ATP8B2: variants seen among roughly 807,000 people sequenced by gnomAD.
The protein encoded by ATP8B2 is phospholipid-transporting ATPase ID.
In ATP8B2, 70 loss-of-function variants were observed where a neutral mutation model predicts 133.4. The observed-to-expected ratio is 0.52, with a 90% CI of 0.43 to 0.64. The LOEUF (loss-of-function observed/expected upper bound fraction) is 0.64. Among genes scored for constraint, ATP8B2 ranks in the 30% least tolerant of loss-of-function variants. ATP8B2 has a pLI of 0.00. For missense variants in ATP8B2, 1,101 were observed against 1,535.7 expected (o/e 0.72, Z 4.73); for synonymous variants, 517 against 589.5 (o/e 0.88, Z 1.78).
At chr1:154,327,147 G>T (rs184208941) in intron 1 of ATP8B2, among the ~76,000 whole-genome samples, 1 of 152,338 alleles carries the variant, frequency 6.6e-6, no homozygotes, top group East Asian at 1.9e-4. Context: ...ATCTCTTGGG[G>T]CTGACAGGTT....
chr1:154,327,587 T>C (rs1218540002), intron 1 of ATP8B2, among the ~76,000 whole-genome samples: 1 of 152,090 alleles, frequency 6.6e-6, no homozygotes, highest in Non-Finnish European at 1.5e-5. Context: ...GAGGAGGTGA[T>C]AATGGAAGCC....
At position 154,330,768 on chromosome 1, in the gene ATP8B2, G is replaced by C. The variant is rs74976887; in HGVS notation, c.91-47G>C. ...GGGGAGGCAGCCTCAGTCTGGTTCT[G>C]GGTTGGGACTGGAGACTGCTCATTA... On this transcript the variant is annotated intron_variant, in intron 3 of 27. Transcript: ENST00000368489. 2,050 of 1,509,708 alleles carry C rather than the reference G, an allele frequency of 1.4e-3. 23 individuals are homozygous for C. The African/African-American group carries it at 0.026, about 19-fold the overall frequency. The allele number at this position is 1,509,708 out of a possible 1,614,324, so 93.5% of individuals were successfully genotyped here.
intron 11 of ATP8B2, among the ~76,000 whole-genome samples, chr1:154,336,998 G>A (rs2481064): frequency 0.71 from 107,486 of 151,452 alleles, 38,828 homozygotes; most frequent in East Asian, 0.86. Flanking sequence ...GGGTTTCACC[G>A]TGTTGGCCAG....
rs756888361 is a variant in ATP8B2 at position 154,345,492 on chromosome 1, G to A, written c.2641G>A (p.Ala881Thr). Residue 881 changes from alanine (A) to threonine (T), a missense_variant, in exon 23 of 28, where the codon GCT becomes ACT. Coordinates refer to ENST00000368489, the MANE Select transcript of ATP8B2 (RefSeq NM_001370597.1). The surrounding 1 kb of genome is among the most constrained non-coding windows in gnomAD (Gnocchi z 5.6). The part of the protein sequence containing the change: ...FLCYFFYKNF[A>T]FTMVHFWFGF... ...TTGCTATTTCTTCTACAAAAACTTT[G>A]CTTTCACCATGGTCCACTTCTGGTT... The A allele has an allele frequency of 6.2e-7, 1 of 1,614,182 alleles. No individual in the cohort carries two copies. The highest frequency in any genetic ancestry group is 1.7e-5 in the Admixed American group (1 of 60,032).
Position 154,328,214 on chromosome 1 carries a change from G to T in ATP8B2, c.31+42G>T, listed in dbSNP as rs780163701. ...GGGGAGATCCCGGGAACCATCAAGA[G>T]TGGGTGTTGTTATGGCTCAGGGAGC... On this transcript the variant is annotated intron_variant, in intron 2 of 27. Transcript: ENST00000368489. The surrounding 1 kb of genome is among the most constrained non-coding windows in gnomAD (Gnocchi z 4.6). 3.2e-6 allele frequency: 5 copies of T among 1,580,490 alleles called. No individual in the cohort carries two copies. Among genetic ancestry groups the T allele is most frequent in the Non-Finnish European group, 4.3e-6 (5 of 1,150,206 alleles).
At chr1:154,333,307 G>T (rs1686065228) in intron 9 of ATP8B2, among the ~76,000 whole-genome samples, 1 of 151,776 alleles carries the variant, frequency 6.6e-6, no homozygotes, top group Admixed American at 6.6e-5. Flanking sequence ...TCCAGCCTGG[G>T]TGACAAGAGC....
intron 1 of ATP8B2, among the ~76,000 whole-genome samples, chr1:154,327,565 T>G (rs1685829291): frequency 6.6e-6 from 1 of 151,998 alleles, no homozygotes; most frequent in African/African-American, 2.4e-5. Context: ...GCCTCTAATG[T>G]GAGCTCCCCT....
At position 154,346,532 on chromosome 1, in the gene ATP8B2, C is replaced by A; in HGVS notation, c.3024+56C>A. ...TCTGGAAGGAGTGAGCCTTCTGTCC[C>A]TGGGGCTGCCCTGGGCACCACAGTT... On this transcript the variant is annotated intron_variant, in intron 25 of 27. Transcript: ENST00000368489. This position sits in a 1 kb window ranked among gnomAD's most constrained non-coding sequence, Gnocchi z 4.5. 1 of 1,606,232 alleles carries A rather than the reference C, an allele frequency of 6.2e-7. No individual in the cohort carries two copies.
At chr1:154,329,033 G>A (rs1289393020) in intron 2 of ATP8B2, 1 of 1,303,662 alleles carries the variant, frequency 7.7e-7, no homozygotes, top group African/African-American at 1.5e-5. Flanking sequence ...CCGGGCCCAG[G>A]CGCCTCCCTC....
Position 154,348,310 on chromosome 1 carries a change from C to T in ATP8B2, c.3164-98C>T, listed in dbSNP as rs1686661074. 3.7e-6 allele frequency: 5 copies of T among 1,360,664 alleles called. No individual in the cohort carries two copies. The East Asian group carries it at 7.5e-5, about 20-fold the overall frequency. The allele number at this position is 1,360,664 out of a possible 1,614,324, so 84.3% of individuals were successfully genotyped here. ...TGGAGAAGCGGGAAGCCAGAGGTGA[C>T]TTAGGCTTTGAGAGTAGGGAAGTGG... On this transcript the variant is annotated intron_variant, in intron 26 of 27. Transcript: ENST00000368489.
intron 26 of ATP8B2, among the ~76,000 whole-genome samples, chr1:154,347,796 C>T (rs930297278): frequency 2.0e-5 from 3 of 151,954 alleles, no homozygotes; most frequent in Admixed American, 6.6e-5. Flanking sequence ...CAAAATTAGC[C>T]GGACTTGGTG....
rs554128093 is a variant in ATP8B2 at position 154,328,543 on chromosome 1, G to GGTGT, written c.31+381_31+384dup. On this transcript the variant is annotated intron_variant, in intron 2 of 27. Transcript: ENST00000368489. This position sits in a 1 kb window ranked among gnomAD's most constrained non-coding sequence, Gnocchi z 4.6. ...TTCTCCTGGTTTTTCCGCGGGCGGG[G>GGTGT]GTGTGTGTGTGTGAAAGCGGTTGCC... Among the ~76,000 whole-genome samples, 3 of 151,954 alleles carry GGTGT rather than the reference G, an allele frequency of 2.0e-5. No homozygotes were observed. Among genetic ancestry groups the GGTGT allele is most frequent in the African/African-American group, 7.2e-5 (3 of 41,394 alleles).
Position 154,340,626 on chromosome 1 carries a change from C to G in ATP8B2, c.1035-228C>G. The G allele has an allele frequency of 1.7e-6, 1 of 577,308 alleles. No homozygotes were observed. The highest frequency in any genetic ancestry group is 3.2e-6 in the Non-Finnish European group (1 of 314,914). The allele number at this position is 577,308 out of a possible 1,614,324, so 35.8% of individuals were successfully genotyped here. A position where few individuals can be genotyped will look rare whatever the true frequency, so the allele number is the denominator to read the frequency against. ...TGCCCACCCAGGCCCTTTGCACCTTCTTGTCTGGAGAGCATCAGGAGGGTC... is the reference window on the plus strand; with the variant it reads ...TGCCCACCCAGGCCCTTTGCACCTTGTTGTCTGGAGAGCATCAGGAGGGTC... On this transcript the variant is annotated intron_variant, in intron 12 of 27. Coordinates refer to ENST00000368489, the MANE Select transcript of ATP8B2 (RefSeq NM_001370597.1). This position sits in a 1 kb window ranked among gnomAD's most constrained non-coding sequence, Gnocchi z 4.0.
intron 11 of ATP8B2, 104 bp from the exon 12 acceptor site, chr1:154,337,244 C>T: frequency 1.5e-6 from 2 of 1,344,162 alleles, no homozygotes; most frequent in Non-Finnish European, 2.0e-6. Context: ...TGCACTAGAG[C>T]ATCTGAGCTT....
rs969796084 is a variant in ATP8B2, at chr1:154,342,716, T to G, written c.1288-80T>G. ...CCGTGGACAGGAGCCTACTGAGAGTTGGGAGGGCAGGGATGAACCCTTCCC... is the reference window on the plus strand; with the variant it reads ...CCGTGGACAGGAGCCTACTGAGAGTGGGGAGGGCAGGGATGAACCCTTCCC... On this transcript the variant is annotated intron_variant, in intron 14 of 27. Coordinates refer to ENST00000368489, the MANE Select transcript of ATP8B2 (RefSeq NM_001370597.1). 9 of 1,537,228 alleles carry G rather than the reference T, an allele frequency of 5.9e-6. No individual in the cohort carries two copies. In the East Asian group the frequency reaches 1.8e-4, roughly 31 times the overall value.
chr1:154,348,652 A>G (rs1025794294), intron 27 of ATP8B2, 114 bp downstream of exon 27: 6 of 1,476,410 alleles, frequency 4.1e-6, no homozygotes, highest in Non-Finnish European at 5.5e-6. Context: ...GTTGGTGCTT[A>G]TCTGTTCTTC....
intron 12 of ATP8B2, chr1:154,337,843 G>A: frequency 9.2e-7 from 1 of 1,088,310 alleles, no homozygotes; most frequent in Non-Finnish European, 1.2e-6. Context: ...AGATGAATTA[G>A]GAATGGATCT....
chr1:154,341,007 C>G lies in ATP8B2; in HGVS notation c.1188C>G (p.Thr396=), dbSNP rs146339199. 5.6e-5 allele frequency: 90 copies of G among 1,614,068 alleles called. No homozygotes were observed. The Middle Eastern group carries it at 6.6e-4, about 12-fold the overall frequency. The change falls in exon 13 of 28, where the codon ACC becomes ACG. Residue 396 remains threonine (T), a synonymous_variant. Transcript: ENST00000368489. ...VEYIFSDKTG[T]LTQNIMVFNK... ...ACATCTTCTCCGACAAGACGGGCAC[C>G]CTCACCCAGAACATCATGGTTTTCA...
At position 154,331,868 on chromosome 1, in the gene ATP8B2, G is replaced by A. The variant is rs1398494254; in HGVS notation, c.439-86G>A. ...ATGCACCTGGAACTAAGCAAACCAA[G>A]AATGCTTAGTGGAAGGAGCCACCAT... On this transcript the variant is annotated intron_variant, in intron 7 of 27. Coordinates refer to ENST00000368489, the MANE Select transcript of ATP8B2 (RefSeq NM_001370597.1). This position sits in a 1 kb window ranked among gnomAD's most constrained non-coding sequence, Gnocchi z 4.8. The A allele has an allele frequency of 7.0e-7, 1 of 1,431,570 alleles. No individual in the cohort carries two copies. Among genetic ancestry groups the A allele is most frequent in the African/African-American group, 1.4e-5 (1 of 70,994 alleles). The allele number at this position is 1,431,570 out of a possible 1,614,324, so 88.7% of individuals were successfully genotyped here.
Sources: allele counts gnomAD v4.1 joint callset (sites outside exome capture counted in the v4.1 genomes callset), GRCh38; gene constraint gnomAD v4.1.1; non-coding constraint Gnocchi (gnomAD v3.1); transcripts MANE v1.5; gene names NCBI Gene and HGNC (gene_info 2026-07-23, HGNC 2026-07-21).